The following RGL1 variants were observed in gnomAD, a reference collection of about 807,000 sequenced individuals.
RGL1 encodes ral guanine nucleotide dissociation stimulator like 1.
Under a neutral mutation model 95.2 loss-of-function variants are expected in RGL1, and 24 were observed. That is an observed-to-expected ratio of 0.25 (90% CI 0.18 to 0.35). The LOEUF (loss-of-function observed/expected upper bound fraction) is 0.35, where lower values mean the gene tolerates loss of function less well. Ranked by LOEUF, RGL1 falls within the 10% of genes least tolerant of loss-of-function variation. RGL1 has a pLI of 1.00. For missense variants in RGL1, 715 were observed against 936.3 expected, an observed-to-expected ratio of 0.76 and a Z score of 3.08; for synonymous variants, 329 against 344.9, an observed-to-expected ratio of 0.95 and a Z score of 0.51.
At chr1:183,821,090 G>A (rs10797915) in intron 2 of RGL1, among the ~76,000 whole-genome samples, 25,914 of 152,050 alleles carry the variant, frequency 0.17, 2,429 homozygotes, top group Middle Eastern at 0.32. Context: ...CTGAGATTGC[G>A]CCACTGCAGT....
chr1:183,764,604 CT>C (rs1169184890), intron 2 of RGL1, among the ~76,000 whole-genome samples: 1 of 152,108 alleles, frequency 6.6e-6, no homozygotes, highest in Non-Finnish European at 1.5e-5. Context: ...GACAATTGGG[CT>C]GGTTCCAGTC....
intron 12 of RGL1, 91 bp downstream of exon 12, chr1:183,902,691 A>T: frequency 7.9e-7 from 1 of 1,260,558 alleles, no homozygotes; most frequent in Non-Finnish European, 1.1e-6. Flanking sequence ...AGGCAGAAAA[A>T]AATGAGTTAG....
chr1:183,914,907 T>G (rs1232816099), intron 15 of RGL1, among the ~76,000 whole-genome samples: 1 of 152,154 alleles, frequency 6.6e-6, no homozygotes. Context: ...AACTAATATA[T>G]CTGCAAAGAA....
intron 2 of RGL1, among the ~76,000 whole-genome samples, chr1:183,842,693 T>A (rs930262681): frequency 6.6e-6 from 1 of 152,200 alleles, no homozygotes; most frequent in South Asian, 2.1e-4. Flanking sequence ...GATTGAGCTG[T>A]TTCCTGTTAG....
At chr1:183,662,428 G>A (rs2102028689) in intron 1 of RGL1, among the ~76,000 whole-genome samples, 1 of 152,010 alleles carries the variant, frequency 6.6e-6, no homozygotes, top group South Asian at 2.1e-4. Context: ...CAGACAAACA[G>A]AGAGCCAAAT....
chr1:183,717,215 C>G (rs1023399463), intron 1 of RGL1, among the ~76,000 whole-genome samples: 17 of 152,200 alleles, frequency 1.1e-4, no homozygotes, highest in African/African-American at 3.9e-4. Context: ...TTCTTTCCCA[C>G]CTCTTTCACA....
At chr1:183,760,063 C>T (rs1658575452) in intron 2 of RGL1, among the ~76,000 whole-genome samples, 1 of 151,950 alleles carries the variant, frequency 6.6e-6, no homozygotes, top group Admixed American at 6.6e-5. Flanking sequence ...AAGTAAGTCA[C>T]ATAAATTTTT....
At chr1:183,718,221 G>T (rs1308735003) in intron 1 of RGL1, among the ~76,000 whole-genome samples, 3 of 139,802 alleles carry the variant, frequency 2.1e-5, no homozygotes, top group African/African-American at 7.6e-5. Context: ...GCGACAGAGG[G>T]AGACTTGGTC....
intron 4 of RGL1, among the ~76,000 whole-genome samples, chr1:183,870,121 A>G (rs1413717046): frequency 6.6e-6 from 1 of 152,212 alleles, no homozygotes; most frequent in Non-Finnish European, 1.5e-5. Flanking sequence ...CACTGTTTTA[A>G]TGAGTGCCTG....
intron 2 of RGL1, among the ~76,000 whole-genome samples, chr1:183,832,753 G>A (rs538740808): frequency 6.6e-6 from 1 of 152,272 alleles, no homozygotes; most frequent in East Asian, 1.9e-4. Flanking sequence ...TTTCTTATCT[G>A]TAAAATGGGG....
chr1:183,710,635 A>C (rs1655204997), intron 1 of RGL1, among the ~76,000 whole-genome samples: 1 of 152,168 alleles, frequency 6.6e-6, no homozygotes, highest in Non-Finnish European at 1.5e-5. Context: ...ATCATGGCAG[A>C]AGGTAAAAGG....
chr1:183,665,182 T>G (rs1031318622), intron 1 of RGL1, among the ~76,000 whole-genome samples: 1 of 152,206 alleles, frequency 6.6e-6, no homozygotes, highest in Non-Finnish European at 1.5e-5. Context: ...GTTAATGTGA[T>G]GGATTACATT....
intron 9 of RGL1, among the ~76,000 whole-genome samples, chr1:183,894,466 G>A (rs2102679343): frequency 6.6e-6 from 1 of 152,236 alleles, no homozygotes; most frequent in South Asian, 2.1e-4. Flanking sequence ...AAATGCTTTG[G>A]GCAGTCCATG....
At chr1:183,915,307 A>C (rs1668894124) in intron 15 of RGL1, among the ~76,000 whole-genome samples, 1 of 152,250 alleles carries the variant, frequency 6.6e-6, no homozygotes, top group Non-Finnish European at 1.5e-5. Flanking sequence ...AACATGGTAT[A>C]ATTTAGCTTA....
intron 16 of RGL1, among the ~76,000 whole-genome samples, chr1:183,921,846 G>A (rs1321739271): frequency 6.6e-6 from 1 of 152,212 alleles, no homozygotes; most frequent in African/African-American, 2.4e-5. Flanking sequence ...TGCCATAGAA[G>A]CAGTTCAACA....
chr1:183,673,082 A>G (rs1202231596), intron 1 of RGL1, among the ~76,000 whole-genome samples: 1 of 152,204 alleles, frequency 6.6e-6, no homozygotes, highest in Admixed American at 6.5e-5. Flanking sequence ...AGATTAATCT[A>G]CTGAGCCTTT....
chr1:183,728,306 T>C (rs1475740522), intron 1 of RGL1, among the ~76,000 whole-genome samples: 1 of 152,112 alleles, frequency 6.6e-6, no homozygotes, highest in Non-Finnish European at 1.5e-5. Flanking sequence ...CTCTCCTGTG[T>C]TTCCAGCTTG....
At position 183,886,525 on chromosome 1, in the gene RGL1, C is replaced by T. The variant is rs144371352; in HGVS notation, c.951+1587C>T. On this transcript the variant is annotated intron_variant, in intron 7 of 17. Coordinates refer to ENST00000360851, the MANE Select transcript of RGL1 (RefSeq NM_001297671.3). ...TGTATGTGACATAGTGGGGCTCAAG[C>T]GATGACTTTTGGTCCAAATTGAATG... 2.6e-5 allele frequency among the ~76,000 whole-genome samples: 4 copies of T among 152,118 alleles called. No homozygotes were observed. The East Asian group carries it at 7.7e-4, about 29-fold the overall frequency.
intron 3 of RGL1, among the ~76,000 whole-genome samples, chr1:183,865,381 G>A (rs12145005): frequency 3.9e-5 from 6 of 152,146 alleles, no homozygotes; most frequent in African/African-American, 7.2e-5. Context: ...CCTGGCCTCA[G>A]TATAGCTACA....
Sources: gnomAD v4.1 joint callset for allele counts (sites outside exome capture counted in the v4.1 genomes callset) on GRCh38, gnomAD v4.1.1 for gene constraint, MANE v1.5 for transcripts, NCBI Gene and HGNC (gene_info 2026-07-23, HGNC 2026-07-21) for gene names.